PDZD2: variants seen among roughly 807,000 people sequenced by gnomAD.
The protein encoded by PDZD2 is PDZ domain-containing protein 2.
A neutral mutation model predicts 220.7 loss-of-function variants in PDZD2; 90 were observed. The ratio of observed to expected loss-of-function variants is 0.41; its 90% CI spans 0.34 to 0.49. The LOEUF is 0.49. Among genes scored for constraint, PDZD2 ranks in the 20% least tolerant of loss-of-function variants. The pLI is 0.28. For missense variants in PDZD2, 3,174 were observed against 3,608.5 expected, an observed-to-expected ratio of 0.88 and a Z score of 3.08; for synonymous variants, 1,375 against 1,450.5, an observed-to-expected ratio of 0.95 and a Z score of 1.18.
chr5:31,748,356 G>A (rs1750727077), intron 1 of PDZD2, among the ~76,000 whole-genome samples: 1 of 152,188 alleles, frequency 6.6e-6, no homozygotes, highest in Non-Finnish European at 1.5e-5. Context: ...TATGACTATG[G>A]ACATGTCATT....
intron 1 of PDZD2, among the ~76,000 whole-genome samples, chr5:31,664,464 A>T (rs1461860537): frequency 6.6e-6 from 1 of 150,740 alleles, no homozygotes; most frequent in Non-Finnish European, 1.5e-5. Context: ...ACACACACAC[A>T]CACACACACA....
In PDZD2 at chr5:31,773,520, G is replaced by A. The variant is rs151303565; in HGVS notation, c.-360-25369G>A. ...AAAAAAATTAGTGAAGCATGGTGGCGCATGTCTATAGTCCCAGCTACTTGG... is the reference window on the plus strand; with the variant it reads ...AAAAAAATTAGTGAAGCATGGTGGCACATGTCTATAGTCCCAGCTACTTGG... On this transcript the variant is annotated intron_variant, in intron 1 of 24. Coordinates refer to ENST00000438447, the MANE Select transcript of PDZD2 (RefSeq NM_178140.4). 2.4e-3 allele frequency among the ~76,000 whole-genome samples: 360 copies of A among 151,902 alleles called. 1 individual carries two copies. Among genetic ancestry groups the A allele is most frequent in the African/African-American group, 8.3e-3 (343 of 41,448 alleles).
intron 13 of PDZD2, among the ~76,000 whole-genome samples, chr5:32,059,624 C>G (rs1739490945): frequency 6.6e-6 from 1 of 152,152 alleles, no homozygotes; most frequent in African/African-American, 2.4e-5. Context: ...AGAAACTTGA[C>G]AAGATACAAC....
intron 2 of PDZD2, among the ~76,000 whole-genome samples, chr5:31,817,134 C>A (rs1458375298): frequency 7.0e-6 from 1 of 142,104 alleles, no homozygotes; most frequent in African/African-American, 2.6e-5. Context: ...TGCGGTGAGC[C>A]GAGATCGCGC....
At chr5:31,741,212 C>A (rs1750247684) in intron 1 of PDZD2, among the ~76,000 whole-genome samples, 1 of 152,088 alleles carries the variant, frequency 6.6e-6, no homozygotes, top group African/African-American at 2.4e-5. Context: ...CACACACACA[C>A]ACACACACTT....
intron 2 of PDZD2, among the ~76,000 whole-genome samples, chr5:31,918,718 C>T (rs764357321): frequency 1.3e-5 from 2 of 152,144 alleles, no homozygotes; most frequent in African/African-American, 2.4e-5. Flanking sequence ...TACAGTGCTC[C>T]TGAGGAGGGA....
rs373200694 is a variant in PDZD2, at chr5:31,811,013, G to A, written c.476+11289G>A. The stretch of plus-strand genomic sequence containing the variant: ...TTTTATTTTTTTGAGACAGAGTCTC[G>A]CTGTCGCCTAGGCTGGACAGAGCAC... On this transcript the variant is annotated intron_variant, in intron 2 of 24. Transcript: ENST00000438447. 3.9e-5 allele frequency among the ~76,000 whole-genome samples: 6 copies of A among 152,070 alleles called. No homozygotes were observed. In the South Asian group the frequency reaches 6.2e-4, roughly 16 times the overall value.
At chr5:31,753,963 G>A (rs190078122) in intron 1 of PDZD2, among the ~76,000 whole-genome samples, 15 of 152,278 alleles carry the variant, frequency 9.9e-5, no homozygotes, top group Non-Finnish European at 2.1e-4. Flanking sequence ...TTCCCTCTGA[G>A]TAAGAACCCC....
intron 2 of PDZD2, among the ~76,000 whole-genome samples, chr5:31,967,624 T>G (rs1045237190): frequency 6.6e-6 from 1 of 152,174 alleles, no homozygotes; most frequent in African/African-American, 2.4e-5. Context: ...CAGTTATCCC[T>G]GGGCGTTGAT....
chr5:32,074,620 C>T lies in PDZD2; in HGVS notation c.3514C>T (p.Gln1172Ter). Reference protein sequence around the residue: ...TSVKVTVAGFQPGGAVEKESL... With the variant: ...TSVKVTVAGF ...TGTCAAAGTGACTGTCGCTGGCTTTCAGCCAGGTGGAGCTGTGGAGAAGGT... is the reference window on the plus strand; with the variant it reads ...TGTCAAAGTGACTGTCGCTGGCTTTTAGCCAGGTGGAGCTGTGGAGAAGGT... The change falls in exon 18 of 25, where the codon CAG becomes TAG. Residue 1172 changes from glutamine to a stop codon, truncating the protein, a stop_gained. Transcript: ENST00000438447. LOFTEE classifies it high-confidence loss of function. The T allele has an allele frequency of 6.2e-7, 1 of 1,609,918 alleles. No homozygotes were observed. The highest frequency in any genetic ancestry group is 8.5e-7 in the Non-Finnish European group (1 of 1,178,002).
At chr5:31,976,823 T>G (rs1246443346) in intron 2 of PDZD2, among the ~76,000 whole-genome samples, 3 of 150,022 alleles carry the variant, frequency 2.0e-5, no homozygotes, top group Non-Finnish European at 3.0e-5. Context: ...GTTCAAGCGA[T>G]TCTCCTGCCT....
At chr5:31,750,412 T>C (rs765429581) in intron 1 of PDZD2, among the ~76,000 whole-genome samples, 3 of 152,178 alleles carry the variant, frequency 2.0e-5, no homozygotes, top group South Asian at 2.1e-4. Flanking sequence ...GCAGTTGTCA[T>C]GTACCGAACG....
chr5:31,668,704 T>C (rs1441143787), intron 1 of PDZD2, among the ~76,000 whole-genome samples: 3 of 152,158 alleles, frequency 2.0e-5, no homozygotes, highest in Admixed American at 1.3e-4. Context: ...ATATGGCTAA[T>C]GATAGACTAG....
At chr5:31,912,663 G>C (rs2150370170) in intron 2 of PDZD2, among the ~76,000 whole-genome samples, 1 of 152,278 alleles carries the variant, frequency 6.6e-6, no homozygotes, top group East Asian at 1.9e-4. Context: ...GCTAACAGTG[G>C]GACTAACGTG....
chr5:31,933,003 A>G (rs967807884), intron 2 of PDZD2, among the ~76,000 whole-genome samples: 5 of 151,430 alleles, frequency 3.3e-5, no homozygotes, highest in African/African-American at 1.2e-4. Flanking sequence ...CTCTGCCTCC[A>G]GGGTTCAAGT....
intron 2 of PDZD2, among the ~76,000 whole-genome samples, chr5:31,935,777 G>T (rs1212381993): frequency 6.6e-6 from 1 of 152,170 alleles, no homozygotes; most frequent in East Asian, 1.9e-4. Flanking sequence ...CATTTTGATA[G>T]TATTTTGGTT....
chr5:31,765,898 G>A (rs1293659049), intron 1 of PDZD2, among the ~76,000 whole-genome samples: 4 of 152,212 alleles, frequency 2.6e-5, no homozygotes, highest in South Asian at 2.1e-4. Context: ...GAGACCAGGC[G>A]TGGTGGCTCA....
rs1218150712 is a variant in PDZD2, at chr5:32,090,228, G to C, written c.6780G>C (p.Glu2260Asp). ...QVPVTSSVVP[E>D]AKASRGGLPS... ...CTGTGACAAGCAGTGTTGTCCCCGA[G>C]GCAAAGGCATCCAGAGGTGGTCTTC... is the stretch of plus-strand genomic sequence containing the variant. Residue 2260 changes from glutamate (E) to aspartate (D), a missense_variant, in exon 20 of 25, where the codon GAG (glutamate) becomes GAC (aspartate). Glu to Asp is a conservative substitution (Grantham distance 45, BLOSUM62 2). Transcript: ENST00000438447. This position sits in a 1 kb window ranked among gnomAD's most constrained non-coding sequence, Gnocchi z 4.3. 2 of 1,614,082 alleles carry C rather than the reference G, an allele frequency of 1.2e-6. No individual in the cohort carries two copies. The highest frequency in any genetic ancestry group is 1.7e-5 in the Admixed American group (1 of 60,004).
At chr5:31,690,941 A>G (rs1747092946) in intron 1 of PDZD2, among the ~76,000 whole-genome samples, 1 of 152,222 alleles carries the variant, frequency 6.6e-6, no homozygotes, top group Admixed American at 6.5e-5. Flanking sequence ...ACAAAGCAGT[A>G]AAAAGTACGG....
Sources: allele counts gnomAD v4.1 joint callset (sites outside exome capture counted in the v4.1 genomes callset), GRCh38; gene constraint gnomAD v4.1.1; non-coding constraint Gnocchi (gnomAD v3.1); transcripts MANE v1.5; gene names NCBI Gene and HGNC (gene_info 2026-07-23, HGNC 2026-07-21).